Variants in OXSR1 observed in about 807,000 individuals in gnomAD.
The protein encoded by OXSR1 is serine/threonine-protein kinase OSR1.
OXSR1 carries 24 observed loss-of-function variants against 79.8 expected under a neutral mutation model. That is an observed-to-expected ratio of 0.30 (90% CI 0.22 to 0.42). The LOEUF is 0.42. OXSR1 is among the 10% of genes least tolerant of loss of function. The probability of loss-of-function intolerance (pLI) is 1.00; values close to 1 mark genes in which losing one functional copy is unlikely to be tolerated. For synonymous variants in OXSR1, 226 were observed against 209.2 expected, an observed-to-expected ratio of 1.08 and a Z score of -0.69; for missense variants, 430 against 618.4, an observed-to-expected ratio of 0.70 and a Z score of 3.23.
rs34743878 is a variant in OXSR1, at chr3:38,167,261, G to A, written c.70+1315G>A. On this transcript the variant is annotated intron_variant, in intron 1 of 17. Transcript: ENST00000311806. ...TGGCAGAGACCAAAACTTGCACATA[G>A]ATTGTAATTCTCACAGAAGCCTAGG... Among the ~76,000 whole-genome samples the A allele has an allele frequency of 2.0e-3, 301 of 152,362 alleles. 5 individuals carry two copies. Among genetic ancestry groups the A allele is most frequent in the East Asian group, 4.0e-3 (21 of 5,192 alleles).
intron 1 of OXSR1, among the ~76,000 whole-genome samples, chr3:38,172,972 T>G (rs1701610474): frequency 6.6e-6 from 1 of 152,210 alleles, no homozygotes; most frequent in Non-Finnish European, 1.5e-5. Context: ...AAGATGGTTG[T>G]TCCACCTCTA....
In OXSR1 at chr3:38,198,186, T is replaced by C. The variant is rs1206772164; in HGVS notation, c.293-536T>C. On this transcript the variant is annotated intron_variant, in intron 3 of 17. Transcript: ENST00000311806. ...AAAAAGAACTGTTATTTTTATTCTT[T>C]TTGTATTTGTCTTTGCCTTAGCTCT... Among the ~76,000 whole-genome samples the C allele has an allele frequency of 2.6e-5, 4 of 152,358 alleles. No individual in the cohort carries two copies. In the East Asian group the frequency reaches 7.7e-4, roughly 29 times the overall value.
At chr3:38,164,717 G>A (rs1007496700), upstream of OXSR1, among the ~76,000 whole-genome samples, 4 of 152,102 alleles carry the variant, frequency 2.6e-5, no homozygotes, top group Non-Finnish European at 4.4e-5. Flanking sequence ...CCCTGTCCGG[G>A]GGGAAGAAAG....
intron 3 of OXSR1, among the ~76,000 whole-genome samples, chr3:38,197,845 G>A (rs942962496): frequency 1.3e-5 from 2 of 152,152 alleles, no homozygotes; most frequent in Admixed American, 6.5e-5. Flanking sequence ...TTTTAGTCTT[G>A]ATCATTGAGG....
chr3:38,184,878 TAGTTCAAA>T (rs1701850200), intron 2 of OXSR1, among the ~76,000 whole-genome samples: 1 of 132,768 alleles, frequency 7.5e-6, no homozygotes, highest in Non-Finnish European at 1.6e-5. Flanking sequence ...ATTATAATCT[TAGTTCAAA>T]AGTAGAAAGA....
At chr3:38,251,729 A>C (rs1703260890) in intron 16 of OXSR1, among the ~76,000 whole-genome samples, 1 of 152,226 alleles carries the variant, frequency 6.6e-6, no homozygotes, top group Admixed American at 6.5e-5. Flanking sequence ...TTATGGCAAA[A>C]GTCACAAGTT....
intron 5 of OXSR1, among the ~76,000 whole-genome samples, chr3:38,221,000 C>T (rs187140194): frequency 2.6e-4 from 39 of 152,200 alleles, no homozygotes; most frequent in Non-Finnish European, 3.2e-4. Context: ...CATACATCTA[C>T]CAAGAGGTGA....
intron 4 of OXSR1, among the ~76,000 whole-genome samples, chr3:38,200,460 CCTCTTTT>C (rs1702145079): frequency 6.6e-6 from 1 of 152,108 alleles, no homozygotes; most frequent in African/African-American, 2.4e-5. Flanking sequence ...ACTCTGCTTT[CCTCTTTT>C]CTCCTTTCAG....
At chr3:38,238,269 A>T (rs1453223645) in intron 11 of OXSR1, among the ~76,000 whole-genome samples, 1 of 152,122 alleles carries the variant, frequency 6.6e-6, no homozygotes, top group Non-Finnish European at 1.5e-5. Flanking sequence ...AACTAAATTG[A>T]ACTATGTTAA....
intron 3 of OXSR1, among the ~76,000 whole-genome samples, chr3:38,197,442 G>A (rs1372416384): frequency 1.3e-5 from 2 of 152,196 alleles, no homozygotes; most frequent in Non-Finnish European, 2.9e-5. Flanking sequence ...GGTACTTGGT[G>A]TGTGTAGTTC....
At chr3:38,215,315 A>G (rs574486568) in intron 4 of OXSR1, among the ~76,000 whole-genome samples, 4 of 152,328 alleles carry the variant, frequency 2.6e-5, no homozygotes, top group East Asian at 3.9e-4. Context: ...ATTACAAACA[A>G]TGCTGCAGTA....
chr3:38,180,186 A>G (rs9832651), intron 1 of OXSR1, among the ~76,000 whole-genome samples: 23,644 of 151,994 alleles, frequency 0.16, 2,586 homozygotes, highest in African/African-American at 0.32. Flanking sequence ...CAAGTGATCC[A>G]CCAGCCTCAG....
intron 1 of OXSR1, among the ~76,000 whole-genome samples, chr3:38,176,605 A>C (rs1207109660): frequency 6.6e-6 from 1 of 152,254 alleles, no homozygotes; most frequent in East Asian, 1.9e-4. Flanking sequence ...GACTGTTAGC[A>C]TAGAAGAACT....
At chr3:38,221,516 T>C in intron 5 of OXSR1, 62 bp from the exon 6 acceptor site, 1 of 874,534 alleles carries the variant, frequency 1.1e-6, no homozygotes, top group Non-Finnish European at 1.9e-6. Context: ...ATTGTATTGT[T>C]TTCCTATTCA....
intron 4 of OXSR1, among the ~76,000 whole-genome samples, chr3:38,211,867 C>T (rs573518676): frequency 6.6e-6 from 1 of 152,148 alleles, no homozygotes; most frequent in Admixed American, 6.5e-5. Flanking sequence ...TATCCAGCAT[C>T]TCTTTGTGTT....
chr3:38,202,439 G>A (rs943754850), intron 4 of OXSR1, among the ~76,000 whole-genome samples: 1 of 152,070 alleles, frequency 6.6e-6, no homozygotes, highest in African/African-American at 2.4e-5. Flanking sequence ...GAGTGTAGTG[G>A]CATGATTGTA....
chr3:38,212,289 C>T (rs1299636890), intron 4 of OXSR1, among the ~76,000 whole-genome samples: 1 of 152,140 alleles, frequency 6.6e-6, no homozygotes, highest in Non-Finnish European at 1.5e-5. Context: ...TCTTCAAAGT[C>T]CATTTGTGAT....
At chr3:38,192,948 C>G (rs1318509432) in intron 3 of OXSR1, among the ~76,000 whole-genome samples, 1 of 152,176 alleles carries the variant, frequency 6.6e-6, no homozygotes, top group African/African-American at 2.4e-5. Context: ...AGTTTTATTG[C>G]TGTATCTCAC....
chr3:38,181,795 G>A (rs530046091), intron 1 of OXSR1, among the ~76,000 whole-genome samples: 17 of 150,980 alleles, frequency 1.1e-4, no homozygotes, highest in Non-Finnish European at 1.5e-4. Context: ...TCTCATTCAC[G>A]TGTGCTTTTC....
Sources: gnomAD v4.1 joint callset for allele counts (sites outside exome capture counted in the v4.1 genomes callset) on GRCh38, gnomAD v4.1.1 for gene constraint, MANE v1.5 for transcripts, NCBI Gene and HGNC (gene_info 2026-07-23, HGNC 2026-07-21) for gene names.